The following FOXP1 variants were observed in gnomAD, a reference collection of about 807,000 sequenced individuals.
The protein encoded by FOXP1 is forkhead box protein P1.
FOXP1 carries 15 observed loss-of-function variants against 98.2 expected under a neutral mutation model. The observed-to-expected ratio is 0.15, with a 90% CI of 0.10 to 0.24. The LOEUF is 0.24. Among genes scored for constraint, FOXP1 ranks in the 10% least tolerant of loss-of-function variants. The pLI, the probability that FOXP1 is intolerant of heterozygous loss-of-function variation, is 1.00. For missense variants in FOXP1, 633 were observed against 848.5 expected, an observed-to-expected ratio of 0.75 and a Z score of 3.15; for synonymous variants, 371 against 314.5, an observed-to-expected ratio of 1.18 and a Z score of -1.90.
chr3:71,010,303 C>A (rs1466021076), intron 12 of FOXP1, among the ~76,000 whole-genome samples: 1 of 152,116 alleles, frequency 6.6e-6, no homozygotes, highest in African/African-American at 2.4e-5. Flanking sequence ...TCTTCTGAAG[C>A]CAGACTGCCT....
At chr3:71,030,155 C>A (rs2046670902) in intron 11 of FOXP1, among the ~76,000 whole-genome samples, 1 of 152,200 alleles carries the variant, frequency 6.6e-6, no homozygotes, top group African/African-American at 2.4e-5. Flanking sequence ...AGGTTAAACC[C>A]TTCTCTACCT....
At chr3:71,202,625 G>C (rs2108410878) in intron 5 of FOXP1, among the ~76,000 whole-genome samples, 1 of 152,284 alleles carries the variant, frequency 6.6e-6, no homozygotes, top group Non-Finnish European at 1.5e-5. Flanking sequence ...GATAGATGTA[G>C]CCATAACTAT....
At position 71,583,571 on chromosome 3, in the gene FOXP1, C is replaced by G; in HGVS notation, c.-447G>C. The G allele has an allele frequency of 1.0e-6, 1 of 983,776 alleles. No individual in the cohort carries two copies. Among genetic ancestry groups the G allele is most frequent in the Non-Finnish European group, 1.2e-6 (1 of 829,488 alleles). The allele number at this position is 983,776 out of a possible 1,614,324, so 60.9% of individuals were successfully genotyped here. A position where few individuals can be genotyped will look rare whatever the true frequency, so the allele number is the denominator to read the frequency against. ...CAGAAATGGAAAAATACAAACTCAC[C>G]CGCTGCAAATGGTCTCTCGGTGCAA... is the stretch of plus-strand genomic sequence containing the variant. On this transcript the variant is annotated splice_region_variant and 5_prime_UTR_variant, in exon 1 of 21. Transcript: ENST00000649528.
intron 3 of FOXP1, among the ~76,000 whole-genome samples, chr3:71,400,316 G>A (rs765601854): frequency 1.2e-4 from 18 of 151,888 alleles, no homozygotes; most frequent in Non-Finnish European, 2.5e-4. Flanking sequence ...TAGTGTATTG[G>A]GTGTTTCTAA....
chr3:71,519,879 G>A (rs574377947), intron 2 of FOXP1, among the ~76,000 whole-genome samples: 1 of 152,350 alleles, frequency 6.6e-6, no homozygotes, highest in South Asian at 2.1e-4. Flanking sequence ...TCCCATAAAT[G>A]TGGGGGCCAG....
chr3:71,275,614 C>A (rs1023557987), intron 5 of FOXP1, among the ~76,000 whole-genome samples: 1 of 152,202 alleles, frequency 6.6e-6, no homozygotes. Context: ...CAAAACATAC[C>A]GAGGCACAAT....
chr3:71,502,982 A>AG (rs1274021855), intron 2 of FOXP1, among the ~76,000 whole-genome samples: 1 of 112,364 alleles, frequency 8.9e-6, no homozygotes, highest in East Asian at 2.1e-4. Context: ...TACAATTAGA[A>AG]AAAAAAAAAA....
intron 2 of FOXP1, among the ~76,000 whole-genome samples, chr3:71,507,885 C>T (rs1055870793): frequency 2.0e-5 from 3 of 152,308 alleles, no homozygotes; most frequent in African/African-American, 7.2e-5. Flanking sequence ...CCCAAAACTG[C>T]TACTTTTTAA....
At chr3:71,300,982 C>T (rs1372393082) in intron 4 of FOXP1, among the ~76,000 whole-genome samples, 3 of 152,120 alleles carry the variant, frequency 2.0e-5, no homozygotes, top group Non-Finnish European at 4.4e-5. Context: ...TTGGTGTGTA[C>T]TATCTTTGAG....
chr3:71,520,090 A>G (rs1208045960), intron 2 of FOXP1, among the ~76,000 whole-genome samples: 2 of 152,254 alleles, frequency 1.3e-5, no homozygotes, highest in African/African-American at 4.8e-5. Flanking sequence ...GTGCATGAGC[A>G]TACACATACC....
chr3:70,962,222 T>C (rs140501392), intron 20 of FOXP1, among the ~76,000 whole-genome samples: 1 of 152,358 alleles, frequency 6.6e-6, no homozygotes, highest in East Asian at 1.9e-4. Context: ...TGTGTTGACA[T>C]ATGTCAGTTT....
intron 3 of FOXP1, among the ~76,000 whole-genome samples, chr3:71,469,571 C>T (rs2089122630): frequency 6.6e-6 from 1 of 152,162 alleles, no homozygotes; most frequent in African/African-American, 2.4e-5. Context: ...AAGAAAATAA[C>T]ATCTACTAAG....
intron 11 of FOXP1, among the ~76,000 whole-genome samples, chr3:71,028,873 A>G (rs1200830047): frequency 1.3e-5 from 2 of 152,192 alleles, no homozygotes; most frequent in African/African-American, 4.8e-5. Flanking sequence ...GGAGCACACA[A>G]CCTAGATTCC....
chr3:70,978,127 C>T (rs148946005), intron 14 of FOXP1, 98 bp from the exon 15 acceptor site: 13,182 of 936,474 alleles, frequency 0.014, 184 homozygotes, highest in South Asian at 0.045. Flanking sequence ...GCGTGGGCAC[C>T]GTTTCTTCCT....
intron 3 of FOXP1, among the ~76,000 whole-genome samples, chr3:71,424,880 G>A (rs1040699590): frequency 5.9e-5 from 9 of 152,134 alleles, no homozygotes; most frequent in African/African-American, 2.2e-4. Flanking sequence ...AGCCTGGGGT[G>A]GGAGGAAGTC....
intron 3 of FOXP1, among the ~76,000 whole-genome samples, chr3:71,450,289 A>G (rs2086821378): frequency 6.6e-6 from 1 of 152,244 alleles, no homozygotes; most frequent in Non-Finnish European, 1.5e-5. Flanking sequence ...CAATTTTTAG[A>G]TGTACTTCAC....
At chr3:71,535,026 C>G (rs2044173241) in intron 2 of FOXP1, among the ~76,000 whole-genome samples, 1 of 152,098 alleles carries the variant, frequency 6.6e-6, no homozygotes. Context: ...GCTTAACTAG[C>G]ACAAAGACAT....
intron 4 of FOXP1, among the ~76,000 whole-genome samples, chr3:71,318,378 T>C (rs2075203922): frequency 6.6e-6 from 1 of 152,228 alleles, no homozygotes. Context: ...GAAAATAACA[T>C]ACAATTAAAT....
chr3:71,532,186 A>C (rs781114150), intron 2 of FOXP1, among the ~76,000 whole-genome samples: 120 of 152,014 alleles, frequency 7.9e-4, no homozygotes, highest in Non-Finnish European at 1.2e-3. Context: ...TGCAACCTCC[A>C]CCTCCTGGGC....
Sources: gnomAD v4.1 joint callset for allele counts (sites outside exome capture counted in the v4.1 genomes callset) on GRCh38, gnomAD v4.1.1 for gene constraint, MANE v1.5 for transcripts, NCBI Gene and HGNC (gene_info 2026-07-23, HGNC 2026-07-21) for gene names.